DTNB: variants seen among roughly 807,000 people sequenced by gnomAD.
The protein encoded by DTNB is DTN-B.
In DTNB, 63 loss-of-function variants were observed where a neutral mutation model predicts 90.7. The observed-to-expected ratio is 0.69, with a 90% CI of 0.57 to 0.86. DTNB has a LOEUF of 0.86. DTNB is among the 40% of genes least tolerant of loss of function. The pLI is 0.00. For missense variants in DTNB, 744 were observed against 807.1 expected (o/e 0.92, Z 0.95); for synonymous variants, 277 against 286.7 (o/e 0.97, Z 0.34).
intron 9 of DTNB, among the ~76,000 whole-genome samples, chr2:25,529,209 T>C (rs561017540): frequency 4.6e-5 from 7 of 152,318 alleles, no homozygotes; most frequent in Non-Finnish European, 8.8e-5. Context: ...CTGTGCGTAT[T>C]TGGAAACTTC....
At chr2:25,444,100 A>T (rs2036653) in intron 12 of DTNB, among the ~76,000 whole-genome samples, 42,138 of 152,030 alleles carry the variant, frequency 0.28, 7,317 homozygotes, top group East Asian at 0.64. Flanking sequence ...TGAATTTTAA[A>T]TTTTTTTATA....
rs1407494953 is a variant in DTNB at position 25,444,440 on chromosome 2, CAGG to C, written c.1257+7105_1257+7107del. On this transcript the variant is annotated intron_variant, in intron 12 of 20. Transcript: ENST00000406818. ...CCAGCTACTTGGGAGGAAGCTGAGG[CAGG>C]AGAATTTCTTGAACCTGGGAGGAGG... Among the ~76,000 whole-genome samples, 17 of 150,614 alleles carry C rather than the reference CAGG, an allele frequency of 1.1e-4. No homozygotes were observed. In the South Asian group the frequency reaches 3.4e-3, roughly 30 times the overall value.
At chr2:25,662,396 T>C (rs947637764) in intron 1 of DTNB, among the ~76,000 whole-genome samples, 1 of 152,006 alleles carries the variant, frequency 6.6e-6, no homozygotes. Context: ...AATTTCACAA[T>C]ATTAAGTGAA....
chr2:25,599,448 T>C (rs546432212), intron 5 of DTNB, among the ~76,000 whole-genome samples: 381 of 151,976 alleles, frequency 2.5e-3, no homozygotes, highest in African/African-American at 9.0e-3. Flanking sequence ...TTCACACCAT[T>C]CTCCTGCCTC....
At chr2:25,408,991 T>C (rs924159559) in intron 16 of DTNB, among the ~76,000 whole-genome samples, 1 of 152,188 alleles carries the variant, frequency 6.6e-6, no homozygotes, top group Non-Finnish European at 1.5e-5. Flanking sequence ...CAGGGAAACC[T>C]GTCCTGCTGG....
chr2:25,446,871 T>C (rs1207702993), intron 12 of DTNB, among the ~76,000 whole-genome samples: 1 of 152,218 alleles, frequency 6.6e-6, no homozygotes, highest in African/African-American at 2.4e-5. Flanking sequence ...GTTACATGAC[T>C]GTTGGTTCTC....
intron 14 of DTNB, 133 bp downstream of exon 14, chr2:25,432,753 A>C: frequency 1.1e-6 from 1 of 885,402 alleles, no homozygotes; most frequent in Non-Finnish European, 1.8e-6. Flanking sequence ...AGAATGGGTG[A>C]ACTCTTCAGT....
intron 9 of DTNB, among the ~76,000 whole-genome samples, chr2:25,512,056 T>A (rs2074059905): frequency 6.6e-6 from 1 of 152,204 alleles, no homozygotes; most frequent in African/African-American, 2.4e-5. Flanking sequence ...AGTTTTACCC[T>A]TAGGATTATT....
intron 5 of DTNB, among the ~76,000 whole-genome samples, chr2:25,605,545 T>G (rs988169286): frequency 6.6e-6 from 1 of 152,256 alleles, no homozygotes; most frequent in Admixed American, 6.5e-5. Context: ...ACAATTTACA[T>G]TTGACAAAAT....
intron 8 of DTNB, among the ~76,000 whole-genome samples, chr2:25,536,976 C>T (rs1447701115): frequency 1.3e-5 from 2 of 151,906 alleles, no homozygotes; most frequent in East Asian, 1.9e-4. Flanking sequence ...CTCCTGACCT[C>T]GTGAACCACC....
At position 25,476,406 on chromosome 2, in the gene DTNB, A is replaced by C. The variant is rs534964030; in HGVS notation, c.1079+6390T>G. On this transcript the variant is annotated intron_variant, in intron 10 of 20. Transcript: ENST00000406818. ...TCAAGTCTTATTATGTAAGAAATAC[A>C]TTTTGTAAGACTATAGCTGCCATAG... 5.3e-5 allele frequency among the ~76,000 whole-genome samples: 8 copies of C among 152,316 alleles called. No individual in the cohort carries two copies. The South Asian group carries it at 1.7e-3, about 32-fold the overall frequency.
intron 14 of DTNB, among the ~76,000 whole-genome samples, chr2:25,431,415 T>C (rs775021809): frequency 5.3e-5 from 8 of 152,218 alleles, no homozygotes; most frequent in Non-Finnish European, 1.2e-4. Context: ...AAGACCAGTA[T>C]GTTTTGTACA....
At chr2:25,560,447 C>T (rs991743338) in intron 8 of DTNB, among the ~76,000 whole-genome samples, 12 of 152,162 alleles carry the variant, frequency 7.9e-5, no homozygotes, top group African/African-American at 2.9e-4. Context: ...CTGAATACAA[C>T]AAAAAGGCTG....
Position 25,433,955 on chromosome 2 carries a change from T to C in DTNB, c.1298A>G (p.Asn433Ser), listed in dbSNP as rs763890807. Reference protein sequence around the residue: ...PTDLSFNFDANKQQRQLIAEL... With the variant: ...PTDLSFNFDASKQQRQLIAEL... ...TGCAATAAGCTGTCTTTGTTGTTTGTTGGCATCAAAGTTAAAGCTCAAGTC... is the reference window on the plus strand; with the variant it reads ...TGCAATAAGCTGTCTTTGTTGTTTGCTGGCATCAAAGTTAAAGCTCAAGTC... The change falls in exon 13 of 21, where the codon AAC (asparagine) becomes AGC (serine). Residue 433 changes from asparagine (N) to serine (S), a missense_variant. Physicochemically the swap from Asn to Ser is conservative, Grantham distance 46. Transcript: ENST00000406818. The C allele has an allele frequency of 3.4e-5, 55 of 1,613,824 alleles. No individual in the cohort carries two copies. The highest frequency in any genetic ancestry group is 4.4e-5 in the Non-Finnish European group (52 of 1,179,870).
intron 1 of DTNB, among the ~76,000 whole-genome samples, chr2:25,653,486 T>G (rs1181072926): frequency 1.2e-3 from 120 of 102,198 alleles, no homozygotes; most frequent in African/African-American, 4.7e-3. Context: ...TTGCTTTCTT[T>G]CTTTCTTTCT....
intron 2 of DTNB, among the ~76,000 whole-genome samples, chr2:25,639,931 A>C (rs2077890201): frequency 6.6e-6 from 1 of 152,190 alleles, no homozygotes; most frequent in Admixed American, 6.5e-5. Flanking sequence ...CCACCAACCA[A>C]ACCAGCATCG....
chr2:25,517,011 A>C (rs1279023216), intron 9 of DTNB, among the ~76,000 whole-genome samples: 2 of 152,258 alleles, frequency 1.3e-5, no homozygotes, highest in African/African-American at 4.8e-5. Context: ...GAATGTTCAT[A>C]GCAGCGTTAT....
intron 16 of DTNB, among the ~76,000 whole-genome samples, chr2:25,403,194 C>A (rs2044201550): frequency 6.6e-6 from 1 of 152,210 alleles, no homozygotes; most frequent in African/African-American, 2.4e-5. Context: ...CGGCTCACTG[C>A]AACCTCCGCC....
chr2:25,560,724 C>T (rs189357273), intron 8 of DTNB, among the ~76,000 whole-genome samples: 5 of 152,286 alleles, frequency 3.3e-5, no homozygotes, highest in South Asian at 2.1e-4. Context: ...CACAGACATG[C>T]GCGTGCCCAC....
Sources: gnomAD v4.1 joint callset for allele counts (sites outside exome capture counted in the v4.1 genomes callset) on GRCh38, gnomAD v4.1.1 for gene constraint, MANE v1.5 for transcripts, NCBI Gene and HGNC (gene_info 2026-07-23, HGNC 2026-07-21) for gene names.